Variants in JAK1 observed in about 807,000 individuals in gnomAD.
JAK1 encodes the protein tyrosine-protein kinase JAK1.
JAK1 carries 16 observed loss-of-function variants against 136.6 expected under a neutral mutation model. The observed-to-expected ratio is 0.12, with a 90% confidence interval of 0.08 to 0.18. The LOEUF (loss-of-function observed/expected upper bound fraction) is 0.18, where lower values mean the gene tolerates loss of function less well. Among genes scored for constraint, JAK1 ranks in the 10% least tolerant of loss-of-function variants. The probability of loss-of-function intolerance (pLI) is 1.00; values close to 1 mark genes in which losing one functional copy is unlikely to be tolerated. For missense variants in JAK1, 859 were observed against 1,450.1 expected, an observed-to-expected ratio of 0.59 and a Z score of 6.62; for synonymous variants, 492 against 519.5, an observed-to-expected ratio of 0.95 and a Z score of 0.72.
intron 8 of JAK1, among the ~76,000 whole-genome samples, chr1:64,861,128 G>C (rs1252669626): frequency 6.6e-6 from 1 of 152,094 alleles, no homozygotes; most frequent in African/African-American, 2.4e-5. Context: ...CATGCACCGT[G>C]ATCTTGGCAC....
chr1:64,978,488 T>G (rs1569805793), intron 2 of JAK1, among the ~76,000 whole-genome samples: 1 of 152,192 alleles, frequency 6.6e-6, no homozygotes, highest in Non-Finnish European at 1.5e-5. Context: ...CTTTCGTGGT[T>G]CCTATAATTA....
At chr1:65,049,648 A>G (rs1235205342) in intron 1 of JAK1, among the ~76,000 whole-genome samples, 1 of 152,110 alleles carries the variant, frequency 6.6e-6, no homozygotes, top group Admixed American at 6.6e-5. Flanking sequence ...TGGTCCACAG[A>G]TGGGTTGTGG....
chr1:65,056,402 G>A (rs901790272), intron 1 of JAK1, among the ~76,000 whole-genome samples: 5 of 152,176 alleles, frequency 3.3e-5, no homozygotes, highest in Admixed American at 6.5e-5. Flanking sequence ...AGAGGGAAGA[G>A]ACACTAAAGG....
chr1:65,005,516 A>AT (rs1174021936), intron 2 of JAK1, among the ~76,000 whole-genome samples: 2 of 152,274 alleles, frequency 1.3e-5, no homozygotes, highest in Admixed American at 1.3e-4. Context: ...AATTTAATGT[A>AT]TTTTTTTCCA....
At chr1:64,852,636 T>A in intron 11 of JAK1, among the ~76,000 whole-genome samples, 1 of 152,174 alleles carries the variant, frequency 6.6e-6, no homozygotes, top group Admixed American at 6.5e-5. Flanking sequence ...CCGAAGCCAT[T>A]TATGGACTAT....
At chr1:64,943,199 C>T (rs931381234) in intron 1 of JAK1, among the ~76,000 whole-genome samples, 1 of 152,132 alleles carries the variant, frequency 6.6e-6, no homozygotes, top group Admixed American at 6.5e-5. Context: ...ATTAGTAGCA[C>T]TATAAAGATT....
chr1:64,884,854 A>G (rs949448083), intron 2 of JAK1, among the ~76,000 whole-genome samples: 1 of 152,298 alleles, frequency 6.6e-6, no homozygotes, highest in Admixed American at 6.5e-5. Context: ...CATCTTATGC[A>G]CATGCTGTGA....
chr1:65,064,856 G>A (rs1322281999), intron 1 of JAK1, among the ~76,000 whole-genome samples: 1 of 152,072 alleles, frequency 6.6e-6, no homozygotes, highest in Non-Finnish European at 1.5e-5. Flanking sequence ...ATTCTGAAAC[G>A]TGCTTGTTAT....
At chr1:65,053,560 A>T (rs525563) in intron 1 of JAK1, among the ~76,000 whole-genome samples, 1 of 152,268 alleles carries the variant, frequency 6.6e-6, no homozygotes, top group African/African-American at 2.4e-5. Context: ...ACTTAAGAAC[A>T]GGATAGACAA....
intron 12 of JAK1, among the ~76,000 whole-genome samples, chr1:64,848,558 T>G (rs978797292): frequency 6.6e-6 from 1 of 152,158 alleles, no homozygotes; most frequent in Non-Finnish European, 1.5e-5. Context: ...GCAGGAGGAC[T>G]GAATGAGATG....
chr1:64,907,768 C>T (rs1645215142), intron 1 of JAK1, among the ~76,000 whole-genome samples: 1 of 152,010 alleles, frequency 6.6e-6, no homozygotes, highest in African/African-American at 2.4e-5. Context: ...AGGTGGAGCC[C>T]CTGAAAGGAC....
chr1:64,990,948 G>GAAAAAAAAAAA (rs750653890), intron 2 of JAK1: 1 of 119,588 alleles, frequency 8.4e-6, no homozygotes, highest in Non-Finnish European at 1.8e-5. Context: ...AAGAAAAGAA[G>GAAAAAAAAAAA]AAAAAAAAAA....
At chr1:65,029,812 G>T (rs1490718175) in intron 2 of JAK1, among the ~76,000 whole-genome samples, 6 of 152,156 alleles carry the variant, frequency 3.9e-5, no homozygotes, top group Admixed American at 3.3e-4. Context: ...CTATTGGAGG[G>T]TAGAGAAAGA....
intron 2 of JAK1, among the ~76,000 whole-genome samples, chr1:65,034,471 G>A (rs1250479348): frequency 6.6e-6 from 1 of 152,198 alleles, no homozygotes; most frequent in African/African-American, 2.4e-5. Context: ...CAAATGGAAG[G>A]TGAGTGTCTA....
intron 2 of JAK1, among the ~76,000 whole-genome samples, chr1:64,982,573 G>A (rs548860924): frequency 2.6e-5 from 4 of 152,238 alleles, no homozygotes; most frequent in Non-Finnish European, 2.9e-5. Context: ...AGGATTTGGG[G>A]GAATGGAACC....
intron 2 of JAK1, among the ~76,000 whole-genome samples, chr1:64,999,848 T>C (rs550743061): frequency 6.6e-6 from 1 of 152,248 alleles, no homozygotes; most frequent in East Asian, 1.9e-4. Context: ...TGAACTACAG[T>C]GTATTTTTTT....
intron 2 of JAK1, among the ~76,000 whole-genome samples, chr1:64,999,993 G>GTTT (rs370410704): frequency 1.4e-5 from 2 of 141,582 alleles, no homozygotes; most frequent in African/African-American, 2.6e-5. Context: ...AGAATCATAA[G>GTTT]TTTTTTTTTT....
chr1:65,022,751 A>G (rs1030982198), intron 2 of JAK1, among the ~76,000 whole-genome samples: 2 of 152,216 alleles, frequency 1.3e-5, no homozygotes, highest in Non-Finnish European at 2.9e-5. Flanking sequence ...CCAACTTCAT[A>G]CATTAGTGTC....
chr1:65,042,982 G>A (rs889335080), intron 2 of JAK1, among the ~76,000 whole-genome samples: 3 of 152,000 alleles, frequency 2.0e-5, no homozygotes, highest in African/African-American at 7.2e-5. Context: ...GTTTGGTGTG[G>A]GCCCATTACA....
Sources: gnomAD v4.1 joint callset for allele counts (sites outside exome capture counted in the v4.1 genomes callset) on GRCh38, gnomAD v4.1.1 for gene constraint, MANE v1.5 for transcripts, NCBI Gene and HGNC (gene_info 2026-07-23, HGNC 2026-07-21) for gene names.